UNC5B: variants seen among roughly 807,000 people sequenced by gnomAD.
The protein encoded by UNC5B is netrin receptor UNC5B.
Under a neutral mutation model 103.7 loss-of-function variants are expected in UNC5B, and 56 were observed. That is an observed-to-expected ratio of 0.54 (90% CI 0.44 to 0.67). The LOEUF (loss-of-function observed/expected upper bound fraction) is 0.67, where lower values mean the gene tolerates loss of function less well. Among genes scored for constraint, UNC5B ranks in the 30% least tolerant of loss-of-function variants. The pLI, the probability that UNC5B is intolerant of heterozygous loss-of-function variation, is 0.00. For synonymous variants in UNC5B, 577 were observed against 542.0 expected (o/e 1.06, Z -0.90); for missense variants, 1,194 against 1,284.5 (o/e 0.93, Z 1.08).
chr10:71,242,431 C>T (rs557273437), intron 1 of UNC5B, among the ~76,000 whole-genome samples: 1 of 152,306 alleles, frequency 6.6e-6, no homozygotes, highest in East Asian at 1.9e-4. Flanking sequence ...GGGCTTCTTT[C>T]CAGCAGCTGA....
At chr10:71,229,583 C>CG in intron 1 of UNC5B, among the ~76,000 whole-genome samples, 1 of 152,210 alleles carries the variant, frequency 6.6e-6, no homozygotes, top group Admixed American at 6.5e-5. Flanking sequence ...CATCACGGCC[C>CG]ACTGGACCAG....
intron 1 of UNC5B, among the ~76,000 whole-genome samples, chr10:71,219,606 C>G (rs1285467046): frequency 2.6e-5 from 4 of 152,202 alleles, no homozygotes; most frequent in Non-Finnish European, 5.9e-5. Context: ...TGGCAACACC[C>G]TCACAGACAC....
intron 1 of UNC5B, among the ~76,000 whole-genome samples, chr10:71,225,137 C>A (rs553040735): frequency 6.6e-6 from 1 of 152,200 alleles, no homozygotes; most frequent in Non-Finnish European, 1.5e-5. Context: ...CTGTGTGATA[C>A]GCAAATCTCA....
chr10:71,232,129 A>G (rs1414517236), intron 1 of UNC5B, among the ~76,000 whole-genome samples: 1 of 152,210 alleles, frequency 6.6e-6, no homozygotes, highest in Non-Finnish European at 1.5e-5. Context: ...AGTTGAAAGC[A>G]TTGCCAGAAG....
chr10:71,284,560 T>G (rs772524573), intron 2 of UNC5B, among the ~76,000 whole-genome samples, 160 bp from the exon 3 acceptor site: 1 of 152,080 alleles, frequency 6.6e-6, no homozygotes, highest in African/African-American at 2.4e-5. Context: ...TGAGTGGCCA[T>G]GAAGCTTGAG....
intron 1 of UNC5B, among the ~76,000 whole-genome samples, chr10:71,234,273 C>G (rs1843734176): frequency 6.6e-6 from 1 of 152,238 alleles, no homozygotes; most frequent in African/African-American, 2.4e-5. Flanking sequence ...ACACCGCCCC[C>G]TCCAGGGGCT....
intron 13 of UNC5B, 77 bp from the exon 14 acceptor site, chr10:71,295,734 T>C (rs1845390343): frequency 5.8e-6 from 9 of 1,541,078 alleles, no homozygotes; most frequent in Non-Finnish European, 7.9e-6. Context: ...CCCTGCCCCC[T>C]GCCCCGCACA....
chr10:71,293,396 C>T lies in UNC5B; in HGVS notation c.1773-9C>T. 1 of 1,609,334 alleles carries T rather than the reference C, an allele frequency of 6.2e-7. No homozygotes were observed. Among genetic ancestry groups the T allele is most frequent in the Non-Finnish European group, 8.5e-7 (1 of 1,177,202 alleles). On this transcript the variant is annotated splice_polypyrimidine_tract_variant and intron_variant, in intron 11 of 16. Transcript: ENST00000335350. ...CACTGCCTCTCTCCTACCCTGTGTCCTCCTCCAGCCCGCTTTCAGAAGGGA... is the reference window on the plus strand; with the variant it reads ...CACTGCCTCTCTCCTACCCTGTGTCTTCCTCCAGCCCGCTTTCAGAAGGGA...
intron 1 of UNC5B, among the ~76,000 whole-genome samples, chr10:71,214,483 G>C (rs1843293989): frequency 6.6e-6 from 1 of 152,156 alleles, no homozygotes; most frequent in African/African-American, 2.4e-5. Flanking sequence ...GGATGGGGAA[G>C]GCAGGCTGCT....
chr10:71,231,338 G>A (rs12781290), intron 1 of UNC5B, among the ~76,000 whole-genome samples: 35,275 of 152,192 alleles, frequency 0.23, 4,930 homozygotes, highest in Non-Finnish European at 0.32. Flanking sequence ...CGTGCCTCTG[G>A]AGGGAGTGCT....
chr10:71,288,421 T>C (rs1293969626), intron 6 of UNC5B, 147 bp from the exon 7 acceptor site: 6 of 1,219,630 alleles, frequency 4.9e-6, no homozygotes, highest in Non-Finnish European at 6.9e-6. Context: ...GATTTCTCTG[T>C]GTGGCACACA....
chr10:71,227,999 G>C (rs1316558178), intron 1 of UNC5B, among the ~76,000 whole-genome samples: 1 of 152,176 alleles, frequency 6.6e-6, no homozygotes, highest in Non-Finnish European at 1.5e-5. Flanking sequence ...TGTGCTTACT[G>C]GTGTGTGAAT....
chr10:71,263,098 C>T (rs1159034579), intron 1 of UNC5B, among the ~76,000 whole-genome samples: 1 of 152,132 alleles, frequency 6.6e-6, no homozygotes, highest in African/African-American at 2.4e-5. Context: ...GGCAGCATTC[C>T]AGGTGTCTCC....
rs202141876 is a variant in UNC5B at position 71,285,408 on chromosome 10, G to A, written c.531G>A (p.Pro177=). ...DHEVLLQCRP[P]EGVPVAEVEW... is the part of the protein sequence containing the mutation. The stretch of plus-strand genomic sequence containing the variant: ...AGGTTCTCCTGCAGTGCCGCCCGCC[G>A]GAGGGGGTGCCTGTGGCCGAGGTGA... The change falls in exon 4 of 17, where the codon CCG becomes CCA. Residue 177 remains proline, a synonymous_variant. Coordinates refer to ENST00000335350, the MANE Select transcript of UNC5B (RefSeq NM_170744.5). The A allele has an allele frequency of 1.2e-5, 19 of 1,603,782 alleles. No homozygotes were observed. Among genetic ancestry groups the A allele is most frequent in the Non-Finnish European group, 1.4e-5 (16 of 1,176,380 alleles).
In UNC5B at chr10:71,266,703, C is replaced by T. The variant is rs568611688; in HGVS notation, c.80-13118C>T. 2.6e-5 allele frequency among the ~76,000 whole-genome samples: 4 copies of T among 152,328 alleles called. 1 individual carries two copies. In the South Asian group the frequency reaches 8.3e-4, roughly 32 times the overall value. On this transcript the variant is annotated intron_variant, in intron 1 of 16. Coordinates refer to ENST00000335350, the MANE Select transcript of UNC5B (RefSeq NM_170744.5). The stretch of plus-strand genomic sequence containing the variant: ...TGGGGCTCGCCGGGACCCTGGCAGC[C>T]TGGAAGGTCCACTCACTGTTTTTTC...
intron 4 of UNC5B, 84 bp from the exon 5 acceptor site, chr10:71,286,605 T>C (rs1298297707): frequency 1.8e-5 from 28 of 1,542,338 alleles, no homozygotes; most frequent in Non-Finnish European, 2.5e-5. Flanking sequence ...GACTATGGCG[T>C]GGACCCAGGT....
Position 71,279,760 on chromosome 10 carries a change from G to A in UNC5B, c.80-61G>A, listed in dbSNP as rs116197065. ...TCTGCGGTGGGCCCCCGGGGTGGGC[G>A]AGGGGTGCCACAGGGCCCTCCCAGC... On this transcript the variant is annotated intron_variant, in intron 1 of 16. Coordinates refer to ENST00000335350, the MANE Select transcript of UNC5B (RefSeq NM_170744.5). 4.3e-4 allele frequency: 667 copies of A among 1,541,652 alleles called. 2 individuals carry two copies. In the African/African-American group the frequency reaches 7.7e-3, roughly 18 times the overall value.
rs1053907749 is a variant in UNC5B, at chr10:71,301,652, C to T, written c.*2375C>T. 2.0e-5 allele frequency: 3 copies of T among 152,246 alleles called. No individual in the cohort carries two copies. The highest frequency in any genetic ancestry group is 2.1e-4 in the South Asian group (1 of 4,836). The allele number at this position is 152,246 out of a possible 1,614,324, so 9.4% of individuals were successfully genotyped here. On this transcript the variant is annotated 3_prime_UTR_variant, in exon 17 of 17. Transcript: ENST00000335350. ...CCGTGACAGGGGGTGCCATTCCCCT[C>T]GCAGGCTCTAATGTGCCCACATGTA...
rs75288439 is a variant in UNC5B at position 71,258,588 on chromosome 10, G to A, written c.80-21233G>A. Among the ~76,000 whole-genome samples, 253 of 152,322 alleles carry A rather than the reference G, an allele frequency of 1.7e-3. 2 individuals carry two copies. In the East Asian group the frequency reaches 0.043, roughly 26 times the overall value. On this transcript the variant is annotated intron_variant, in intron 1 of 16. Coordinates refer to ENST00000335350, the MANE Select transcript of UNC5B (RefSeq NM_170744.5). ...GCACCTGAGAGCAGCAGGACAAGCC[G>A]TGGTCTTGGGCAGCGTCCTTTCAGA...
Sources: gnomAD v4.1 joint callset for allele counts (sites outside exome capture counted in the v4.1 genomes callset) on GRCh38, gnomAD v4.1.1 for gene constraint, MANE v1.5 for transcripts, NCBI Gene and HGNC (gene_info 2026-07-23, HGNC 2026-07-21) for gene names.